Variants in DPP6 observed in about 807,000 individuals in gnomAD.
DPP6 encodes dipeptidyl peptidase like 6, also known as A-type potassium channel modulatory protein DPP6.
In DPP6, 69 loss-of-function variants were observed where a neutral mutation model predicts 122.6. The ratio of observed to expected loss-of-function variants is 0.56; its 90% CI spans 0.46 to 0.69. The LOEUF (loss-of-function observed/expected upper bound fraction) is 0.69, where lower values mean the gene tolerates loss of function less well. Among genes scored for constraint, DPP6 ranks in the 30% least tolerant of loss-of-function variants. The pLI is 0.00. For synonymous variants in DPP6, 418 were observed against 433.1 expected, an observed-to-expected ratio of 0.97 and a Z score of 0.43; for missense variants, 928 against 1,116.9, an observed-to-expected ratio of 0.83 and a Z score of 2.41.
intron 8 of DPP6, among the ~76,000 whole-genome samples, chr7:154,737,469 A>T (rs532182342): frequency 1.3e-5 from 2 of 152,186 alleles, no homozygotes; most frequent in Admixed American, 1.3e-4. Context: ...TTTATTTGTA[A>T]TATTTTTTAT....
At chr7:154,196,045 T>C (rs1218886160) in intron 1 of DPP6, among the ~76,000 whole-genome samples, 2 of 152,226 alleles carry the variant, frequency 1.3e-5, no homozygotes, top group Non-Finnish European at 2.9e-5. Flanking sequence ...CAGATCAGTT[T>C]CTGTCTCTAA....
the DPP6 span, among the ~76,000 whole-genome samples, chr7:153,749,353 G>C: frequency 2.6e-5 from 4 of 152,120 alleles, no homozygotes; most frequent in African/African-American, 9.6e-5. This position sits in a 1 kb window ranked among gnomAD's most constrained non-coding sequence, Gnocchi z 4.1. Flanking sequence ...AGAGGTCGGC[G>C]TTGGGAGGCA....
chr7:154,584,378 C>A (rs538725125), intron 5 of DPP6, among the ~76,000 whole-genome samples: 1 of 152,232 alleles, frequency 6.6e-6, no homozygotes, highest in African/African-American at 2.4e-5. Flanking sequence ...TGCACACCCA[C>A]GGGGACCACA....
At chr7:154,250,810 G>C (rs1226637131) in intron 1 of DPP6, among the ~76,000 whole-genome samples, 1 of 151,856 alleles carries the variant, frequency 6.6e-6, no homozygotes, top group Admixed American at 6.5e-5. Context: ...TGCTGGGGGT[G>C]GGGTGCGTGC....
the DPP6 span, among the ~76,000 whole-genome samples, chr7:153,869,622 T>C: frequency 3.9e-5 from 6 of 152,330 alleles, no homozygotes; most frequent in Admixed American, 6.5e-5. Context: ...AGTCTGTGTC[T>C]TTTAATCGGA....
chr7:154,647,300 T>C (rs1389701926), intron 6 of DPP6, among the ~76,000 whole-genome samples: 1 of 152,188 alleles, frequency 6.6e-6, no homozygotes, highest in Non-Finnish European at 1.5e-5. Flanking sequence ...TTGCTGCCCT[T>C]GACAAGTGAC....
At position 154,586,992 on chromosome 7, in the gene DPP6, A is replaced by C. The variant is rs1832497572; in HGVS notation, c.627+20076A>C. Among the ~76,000 whole-genome samples, 3 of 152,248 alleles carry C rather than the reference A, an allele frequency of 2.0e-5. No individual in the cohort carries two copies. In the South Asian group the frequency reaches 6.2e-4, roughly 31 times the overall value. On this transcript the variant is annotated intron_variant, in intron 5 of 25. Coordinates refer to ENST00000377770, the MANE Select transcript of DPP6 (RefSeq NM_130797.4). Reference sequence around the variant, plus strand: ...CGTTGGATAAATGAAAGAACAAATGAATTCCATAGAAACAAGCAAGGGAAA... The same window carrying C: ...CGTTGGATAAATGAAAGAACAAATGCATTCCATAGAAACAAGCAAGGGAAA...
chr7:154,401,243 G>T (rs190423238), intron 1 of DPP6, among the ~76,000 whole-genome samples: 2 of 151,638 alleles, frequency 1.3e-5, no homozygotes, highest in Non-Finnish European at 2.9e-5. Context: ...ATTACTGGCT[G>T]CCCCCTTTGG....
intron 1 of DPP6, among the ~76,000 whole-genome samples, chr7:154,418,634 A>G (rs1441323405): frequency 6.6e-6 from 1 of 152,194 alleles, no homozygotes; most frequent in Non-Finnish European, 1.5e-5. Context: ...GTGACCTCAT[A>G]AGAAACCATT....
intron 1 of DPP6, among the ~76,000 whole-genome samples, chr7:154,445,899 A>G (rs774644515): frequency 6.6e-6 from 1 of 152,226 alleles, no homozygotes; most frequent in Non-Finnish European, 1.5e-5. Context: ...AGATGACCCT[A>G]TACTGCAGAG....
chr7:154,058,499 G>C (rs112423735), intron 1 of DPP6: 1 of 135,512 alleles, frequency 7.4e-6, no homozygotes, highest in African/African-American at 2.9e-5. Flanking sequence ...CACCCTCCGC[G>C]AGGCAGGGAC....
At chr7:154,695,721 G>A (rs776127256) in intron 7 of DPP6, among the ~76,000 whole-genome samples, 26 of 152,166 alleles carry the variant, frequency 1.7e-4, no homozygotes, top group Non-Finnish European at 3.2e-4. Context: ...GGTGGCTGGC[G>A]CTGTGTGGAT....
intron 1 of DPP6, among the ~76,000 whole-genome samples, chr7:154,316,314 A>G (rs1456883695): frequency 1.3e-5 from 2 of 152,202 alleles, no homozygotes; most frequent in African/African-American, 4.8e-5. Flanking sequence ...ATCAACATTC[A>G]GTCTTGCTGT....
chr7:154,025,660 A>G (rs1437052178), intron 1 of DPP6, among the ~76,000 whole-genome samples: 1 of 145,144 alleles, frequency 6.9e-6, no homozygotes, highest in Non-Finnish European at 1.5e-5. Flanking sequence ...TGAGTGGGCC[A>G]TGATCAGCTT....
intron 1 of DPP6, among the ~76,000 whole-genome samples, chr7:154,211,510 C>T (rs1464822162): frequency 1.3e-5 from 2 of 152,194 alleles, no homozygotes; most frequent in African/African-American, 4.8e-5. Context: ...TAGGATCAGC[C>T]AAAGAGTGAA....
chr7:154,395,766 G>T (rs1815026972), intron 1 of DPP6, among the ~76,000 whole-genome samples: 1 of 151,434 alleles, frequency 6.6e-6, no homozygotes, highest in Non-Finnish European at 1.5e-5. Flanking sequence ...TAATTGTTCT[G>T]GCTAGAACTT....
the DPP6 span, among the ~76,000 whole-genome samples, chr7:153,880,566 G>A: frequency 1.3e-5 from 2 of 152,288 alleles, no homozygotes; most frequent in East Asian, 1.9e-4. Flanking sequence ...AAATAGTTGT[G>A]GTATTGGCCT....
At chr7:154,120,876 G>A (rs1807399030) in intron 1 of DPP6, among the ~76,000 whole-genome samples, 1 of 152,160 alleles carries the variant, frequency 6.6e-6, no homozygotes, top group African/African-American at 2.4e-5. Flanking sequence ...TGGTTTTGGT[G>A]AATGAAGTGG....
chr7:154,622,886 C>G (rs969666562), intron 5 of DPP6, among the ~76,000 whole-genome samples: 1 of 152,304 alleles, frequency 6.6e-6, no homozygotes, highest in African/African-American at 2.4e-5. Context: ...ATCTAATTGT[C>G]TGTCTTACCC....
Sources: allele counts gnomAD v4.1 joint callset (sites outside exome capture counted in the v4.1 genomes callset), GRCh38; gene constraint gnomAD v4.1.1; non-coding constraint Gnocchi (gnomAD v3.1); transcripts MANE v1.5; gene names NCBI Gene and HGNC (gene_info 2026-07-23, HGNC 2026-07-21).